C9orf72: variants seen among roughly 807,000 people sequenced by gnomAD.
C9orf72 encodes the protein guanine nucleotide exchange factor C9orf72.
A neutral mutation model predicts 51.6 loss-of-function variants in C9orf72; 44 were observed. That is an observed-to-expected ratio of 0.85 (90% CI 0.67 to 1.10). C9orf72 has a LOEUF of 1.10. Ranked by LOEUF, C9orf72 falls within the 50% of genes least tolerant of loss-of-function variation. The pLI is 0.00. For synonymous variants in C9orf72, 213 were observed against 194.2 expected (o/e 1.10, Z -0.81); for missense variants, 607 against 570.6 (o/e 1.06, Z -0.65).
chr9:27,553,170 A>G (rs1820943449), intron 8 of C9orf72, among the ~76,000 whole-genome samples: 1 of 152,226 alleles, frequency 6.6e-6, no homozygotes, highest in South Asian at 2.1e-4. Flanking sequence ...ATTCAATGCT[A>G]TTCCTATAAA....
chr9:27,550,623 T>A (rs752980535), intron 9 of C9orf72, 27 bp downstream of exon 9: 1 of 1,442,054 alleles, frequency 6.9e-7, no homozygotes, highest in South Asian at 1.2e-5. Context: ...TATCATTCAC[T>A]CTGACAATCT....
At chr9:27,564,181 C>T (rs1001586250) in intron 3 of C9orf72, among the ~76,000 whole-genome samples, 1 of 135,600 alleles carries the variant, frequency 7.4e-6, no homozygotes, top group African/African-American at 2.8e-5. Context: ...AAAAAAAAAT[C>T]CTACAGGGCT....
At chr9:27,556,413 A>G (rs972178868) in intron 8 of C9orf72, 148 bp downstream of exon 8, 3 of 610,064 alleles carry the variant, frequency 4.9e-6, no homozygotes, top group Non-Finnish European at 8.7e-6. Context: ...CATTTAAGAA[A>G]AAAATGCTTG....
Position 27,566,965 on chromosome 9 carries a change from T to C in C9orf72, c.156A>G (p.Val52=). 2 of 1,614,116 alleles carry C rather than the reference T, an allele frequency of 1.2e-6. No homozygotes were observed. Among genetic ancestry groups the C allele is most frequent in the Non-Finnish European group, 8.5e-7 (1 of 1,179,948 alleles). ...AAGTTATTTCTCCATCACTGAGAAG[T>C]ACCTGTTCTGTCTTTGGAGCCCAAA... is the stretch of plus-strand genomic sequence containing the variant. ...RHIWAPKTEQ[V]LLSDGEITFL... Residue 52 remains valine (V), a synonymous_variant, in exon 2 of 11, where the codon GTA becomes GTG. Coordinates refer to ENST00000380003, the MANE Select transcript of C9orf72 (RefSeq NM_018325.5).
chr9:27,569,682 T>C (rs1407572684), intron 1 of C9orf72, among the ~76,000 whole-genome samples: 1 of 152,198 alleles, frequency 6.6e-6, no homozygotes, highest in Non-Finnish European at 1.5e-5. Flanking sequence ...AATGTGTGAT[T>C]GTACTATAAT....
Position 27,546,759 on chromosome 9 carries a change from A to AT in C9orf72, c.*1476dup, listed in dbSNP as rs1820777172. The AT allele has an allele frequency of 6.6e-6, 1 of 152,148 alleles. No homozygotes were observed. The highest frequency in any genetic ancestry group is 1.5e-5 in the Non-Finnish European group (1 of 68,000). 9.4% of individuals were successfully genotyped at this position (152,148 alleles called of 1,614,324 possible). A position where few individuals can be genotyped will look rare whatever the true frequency, so the allele number is the denominator to read the frequency against. ...GGACACTACAAGGTAGTATTTATAT[A>AT]TTTTTTAAATGACTGAGCTACAGTA... is the stretch of plus-strand genomic sequence containing the variant. On this transcript the variant is annotated 3_prime_UTR_variant, in exon 11 of 11. Coordinates refer to ENST00000380003, the MANE Select transcript of C9orf72 (RefSeq NM_018325.5).
At chr9:27,558,354 G>A (rs1819258399) in intron 7 of C9orf72, 137 bp downstream of exon 7, 1 of 660,308 alleles carries the variant, frequency 1.5e-6, no homozygotes, top group Non-Finnish European at 2.7e-6. Context: ...TCTATGTGCA[G>A]AACTGTGTAA....
chr9:27,567,139 A>AC lies in C9orf72; in HGVS notation c.-20dup. The AC allele has an allele frequency of 6.2e-7, 1 of 1,600,760 alleles. No homozygotes were observed. Among genetic ancestry groups the AC allele is most frequent in the Non-Finnish European group, 8.5e-7 (1 of 1,170,210 alleles). On this transcript the variant is annotated 5_prime_UTR_variant, in exon 2 of 11. The change abolishes the stop of an existing upstream ORF in the 5' untranslated region. Transcript: ENST00000380003. ...TCGACATCACTGCATTCCAACTGTCACATTATCCAAATGCTCCGGAGATAT... is the reference window on the plus strand; with the variant it reads ...TCGACATCACTGCATTCCAACTGTCACCATTATCCAAATGCTCCGGAGATAT...
Position 27,573,473 on chromosome 9 carries a change from A to C in C9orf72, c.-87T>G, listed in dbSNP as rs1203424489. On this transcript the variant is annotated 5_prime_UTR_variant, in exon 1 of 11. Coordinates refer to ENST00000380003, the MANE Select transcript of C9orf72 (RefSeq NM_018325.5). ...CGCCTCCGCCGCCGCGGGCGCAGGCACCGCAACCGCAGCCCCGCCCCGGGC... is the reference window on the plus strand; with the variant it reads ...CGCCTCCGCCGCCGCGGGCGCAGGCCCCGCAACCGCAGCCCCGCCCCGGGC... 7.5e-6 allele frequency: 1 copy of C among 132,954 alleles called. No individual in the cohort carries two copies. The highest frequency in any genetic ancestry group is 1.7e-5 in the Non-Finnish European group (1 of 59,768). The allele number at this position is 132,954 out of a possible 1,614,324, so 8.2% of individuals were successfully genotyped here. A position where few individuals can be genotyped will look rare whatever the true frequency, so the allele number is the denominator to read the frequency against.
At chr9:27,561,248 A>G (rs1819339666) in intron 5 of C9orf72, 1 of 1,067,952 alleles carries the variant, frequency 9.4e-7, no homozygotes, top group Non-Finnish European at 1.1e-6. Flanking sequence ...TTCTACGCCT[A>G]AATAACTTAA....
chr9:27,561,132 G>A (rs768575831), intron 5 of C9orf72: 205 of 489,232 alleles, frequency 4.2e-4, no homozygotes, highest in Admixed American at 9.6e-4. Flanking sequence ...CCTTGCCCAC[G>A]GGTACACAGC....
upstream of C9orf72, chr9:27,573,517 C>CCG (rs1227885325): frequency 1.7e-4 from 7 of 42,358 alleles, no homozygotes; most frequent in East Asian, 5.2e-3. Flanking sequence ...GGGCCCGCCC[C>CCG]GACCACGCCC....
intron 9 of C9orf72, among the ~76,000 whole-genome samples, chr9:27,550,425 A>ACAC (rs1820883263): frequency 6.6e-6 from 1 of 152,136 alleles, no homozygotes; most frequent in African/African-American, 2.4e-5. Flanking sequence ...TGAATTCCCG[A>ACAC]AGCATAAATC....
chr9:27,548,923 C>T (rs1012351369), intron 9 of C9orf72, among the ~76,000 whole-genome samples: 2 of 151,824 alleles, frequency 1.3e-5, no homozygotes, highest in African/African-American at 4.8e-5. Flanking sequence ...TGACTCACTG[C>T]AACCTACACC....
intron 1 of C9orf72, among the ~76,000 whole-genome samples, chr9:27,571,483 T>A (rs1819585155): frequency 6.6e-6 from 1 of 152,006 alleles, no homozygotes; most frequent in Admixed American, 6.6e-5. Flanking sequence ...AGAGACAGGG[T>A]CTCGTTTTGT....
rs149878414 is a variant in C9orf72, at chr9:27,552,329, C to T, written c.1092-1622G>A. On this transcript the variant is annotated intron_variant, in intron 8 of 10. Coordinates refer to ENST00000380003, the MANE Select transcript of C9orf72 (RefSeq NM_018325.5). ...TTTTTGAGGCATGTTCCTTCAATGC[C>T]TAGTTTGTTTAGGATTGTTTGTGAT... Among the ~76,000 whole-genome samples the T allele has an allele frequency of 7.9e-3, 1,146 of 144,236 alleles. 10 individuals are homozygous for T. Among genetic ancestry groups the T allele is most frequent in the Non-Finnish European group, 0.013 (840 of 66,180 alleles). 94.6% of individuals were successfully genotyped at this position (144,236 alleles called of 152,430 possible). A position where few individuals can be genotyped will look rare whatever the true frequency, so the allele number is the denominator to read the frequency against.
At chr9:27,560,193 GTCAAA>G in intron 6 of C9orf72, 29 bp downstream of exon 6, 4 of 1,401,110 alleles carry the variant, frequency 2.9e-6, no homozygotes, top group Non-Finnish European at 4.0e-6. Flanking sequence ...GTCTTAAAGA[GTCAAA>G]TCATTTGCTA....
chr9:27,561,668 T>A lies in C9orf72; in HGVS notation c.601-19A>T. 6.7e-7 allele frequency: 1 copy of A among 1,484,316 alleles called. No homozygotes were observed. The highest frequency in any genetic ancestry group is 1.8e-5 in the Admixed American group (1 of 54,262). The allele number at this position is 1,484,316 out of a possible 1,614,324, so 91.9% of individuals were successfully genotyped here. A position where few individuals can be genotyped will look rare whatever the true frequency, so the allele number is the denominator to read the frequency against. On this transcript the variant is annotated intron_variant, in intron 4 of 10. Coordinates refer to ENST00000380003, the MANE Select transcript of C9orf72 (RefSeq NM_018325.5). The stretch of plus-strand genomic sequence containing the variant: ...CAGCTATCTAAAATGCATCAAAAAA[T>A]AAAAAAATTAGTCTGGCTGTAACAT...
chr9:27,572,320 T>C (rs1385690299), intron 1 of C9orf72, among the ~76,000 whole-genome samples: 2 of 152,182 alleles, frequency 1.3e-5, no homozygotes, highest in Admixed American at 1.3e-4. Flanking sequence ...GTGACAACAA[T>C]GCCCGTGTCA....
Sources: allele counts gnomAD v4.1 joint callset (sites outside exome capture counted in the v4.1 genomes callset), GRCh38; gene constraint gnomAD v4.1.1; transcripts MANE v1.5; gene names NCBI Gene and HGNC (gene_info 2026-07-23, HGNC 2026-07-21).